Variants in SCUBE1 observed in about 807,000 individuals in gnomAD.
The protein encoded by SCUBE1 is signal peptide, CUB domain and EGF like domain containing 1, also known as signal peptide, CUB and EGF-like domain-containing protein 1.
A neutral mutation model predicts 124.4 loss-of-function variants in SCUBE1; 59 were observed. The observed-to-expected ratio is 0.47, with a 90% CI of 0.38 to 0.59. The LOEUF is 0.59. SCUBE1 is among the 20% of genes least tolerant of loss of function. The pLI is 0.00. For missense variants in SCUBE1, 1,150 were observed against 1,371.2 expected (o/e 0.84, Z 2.55); for synonymous variants, 545 against 550.9 (o/e 0.99, Z 0.15).
intron 3 of SCUBE1, among the ~76,000 whole-genome samples, chr22:43,317,964 T>C (rs764129983): frequency 1.3e-5 from 2 of 152,154 alleles, no homozygotes; most frequent in Non-Finnish European, 2.9e-5. Context: ...GGATGCCATC[T>C]ATAAGCCAAG....
chr22:43,220,738 G>A (rs957895611), intron 13 of SCUBE1, 151 bp from the exon 14 acceptor site: 18 of 988,846 alleles, frequency 1.8e-5, no homozygotes, highest in African/African-American at 6.6e-5. Flanking sequence ...GGGCTGGCTC[G>A]GGGTCTCAGG....
chr22:43,304,993 C>T lies in SCUBE1; in HGVS notation c.350-13813G>A, dbSNP rs577299981. Reference sequence around the variant, plus strand: ...CCCCTCACCTGCAGATATGGGCACCCGGGGCATGTCCTGACAGAAGAGCAT... The same window carrying T: ...CCCCTCACCTGCAGATATGGGCACCTGGGGCATGTCCTGACAGAAGAGCAT... On this transcript the variant is annotated intron_variant, in intron 3 of 21. Transcript: ENST00000360835. Among the ~76,000 whole-genome samples the T allele has an allele frequency of 5.3e-5, 8 of 152,298 alleles. No homozygotes were observed. The East Asian group carries it at 1.2e-3, about 22-fold the overall frequency.
At chr22:43,299,804 C>A (rs1234337940) in intron 3 of SCUBE1, among the ~76,000 whole-genome samples, 8 of 152,176 alleles carry the variant, frequency 5.3e-5, no homozygotes, top group Non-Finnish European at 1.2e-4. Context: ...TACCCCTTCG[C>A]CCCTGGAAAC....
intron 2 of SCUBE1, among the ~76,000 whole-genome samples, chr22:43,323,588 A>ACATCCATCCATCCATC (rs56143728): frequency 4.7e-5 from 7 of 148,604 alleles, no homozygotes; most frequent in Non-Finnish European, 7.5e-5. Context: ...ACCCATCCAA[A>ACATCCATCCATCCATC]CATCCATCCA....
At chr22:43,212,281 G>A (rs747913868) in intron 17 of SCUBE1, 144 bp downstream of exon 17, 47 of 896,268 alleles carry the variant, frequency 5.2e-5, no homozygotes, top group Non-Finnish European at 5.6e-5. Context: ...GGTCACCCAC[G>A]CCCACGCCTG....
At chr22:43,274,231 G>A (rs1360125604) in intron 4 of SCUBE1, among the ~76,000 whole-genome samples, 1 of 152,126 alleles carries the variant, frequency 6.6e-6, no homozygotes, top group Admixed American at 6.5e-5. Context: ...AGGTTGCCAG[G>A]TTTAGCAAAT....
At chr22:43,297,924 C>T (rs745887980) in intron 3 of SCUBE1, among the ~76,000 whole-genome samples, 5 of 152,186 alleles carry the variant, frequency 3.3e-5, no homozygotes, top group Non-Finnish European at 5.9e-5. Flanking sequence ...CCACTGGCTC[C>T]GGTGTCCCAG....
intron 3 of SCUBE1, among the ~76,000 whole-genome samples, chr22:43,293,795 G>A (rs1925459648): frequency 6.6e-6 from 1 of 152,284 alleles, no homozygotes; most frequent in Non-Finnish European, 1.5e-5. Flanking sequence ...TTAAAGGTCC[G>A]ACTGTAAAGC....
chr22:43,237,873 G>A (rs575563209), intron 7 of SCUBE1: 2 of 152,322 alleles, frequency 1.3e-5, no homozygotes, highest in East Asian at 1.9e-4. Context: ...CCAGCGCTGG[G>A]GTGGGGGCGT....
At chr22:43,296,677 T>C (rs1925572659) in intron 3 of SCUBE1, among the ~76,000 whole-genome samples, 1 of 152,218 alleles carries the variant, frequency 6.6e-6, no homozygotes, top group African/African-American at 2.4e-5. Context: ...TGGTTGAGGC[T>C]GGAAGGCACT....
chr22:43,238,481 C>A, intron 7 of SCUBE1: 1 of 573,154 alleles, frequency 1.7e-6, no homozygotes, highest in Non-Finnish European at 3.1e-6. Context: ...ATTCTACGCG[C>A]CTTGGGAAGC....
At chr22:43,223,310 C>T (rs1922177780) in intron 10 of SCUBE1, 94 bp from the exon 11 acceptor site, 1 of 1,368,104 alleles carries the variant, frequency 7.3e-7, no homozygotes, top group African/African-American at 1.5e-5. Context: ...TGGGGACTCC[C>T]CCAACTCCCT....
At chr22:43,306,150 A>G (rs1601877210) in intron 3 of SCUBE1, among the ~76,000 whole-genome samples, 1 of 152,260 alleles carries the variant, frequency 6.6e-6, no homozygotes, top group Middle Eastern at 3.4e-3. Flanking sequence ...AAGGTAAGCG[A>G]GACTATTGAC....
rs1440079863 is a variant in SCUBE1, at chr22:43,230,229, G to A, written c.968-1041C>T. ...GGAGGTAAGAGCATGGGGTGCCCAG[G>A]GGATGCACCTGTTCCCTTGGGCCCA... On this transcript the variant is annotated intron_variant, in intron 8 of 21. Coordinates refer to ENST00000360835, the MANE Select transcript of SCUBE1 (RefSeq NM_173050.5). Among the ~76,000 whole-genome samples, 3 of 152,034 alleles carry A rather than the reference G, an allele frequency of 2.0e-5. No homozygotes were observed. The East Asian group carries it at 5.8e-4, about 29-fold the overall frequency.
chr22:43,207,505 G>T, intron 21 of SCUBE1, 29 bp downstream of exon 21: 1 of 1,569,744 alleles, frequency 6.4e-7, no homozygotes, highest in Non-Finnish European at 8.8e-7. Flanking sequence ...CCAGGGTTAC[G>T]TGGATTCCCT....
At chr22:43,270,046 C>T (rs979015223) in intron 4 of SCUBE1, 2 of 152,100 alleles carry the variant, frequency 1.3e-5, no homozygotes, top group Admixed American at 6.5e-5. Flanking sequence ...ATTCCTCATC[C>T]GAAAATCCAG....
chr22:43,320,322 A>G (rs1185057210), intron 2 of SCUBE1, among the ~76,000 whole-genome samples: 1 of 152,178 alleles, frequency 6.6e-6, no homozygotes. Context: ...AATTTCTGAA[A>G]ACTAGCTCTC....
intron 9 of SCUBE1, 29 bp downstream of exon 9, chr22:43,229,043 G>A: frequency 5.3e-6 from 8 of 1,520,404 alleles, no homozygotes; most frequent in Non-Finnish European, 6.4e-6. Flanking sequence ...CCTCGGGGGG[G>A]AGGTGGCCCT....
chr22:43,204,240 G>C lies in SCUBE1; in HGVS notation c.2815-91C>G, dbSNP rs150085224. 8 of 1,150,576 alleles carry C rather than the reference G, an allele frequency of 7.0e-6. No homozygotes were observed. In the African/African-American group the frequency reaches 1.2e-4, roughly 18 times the overall value. The allele number at this position is 1,150,576 out of a possible 1,614,324, so 71.3% of individuals were successfully genotyped here. A position where few individuals can be genotyped will look rare whatever the true frequency, so the allele number is the denominator to read the frequency against. ...AGGCTGGGGGAGGGGAGAGAGATGC[G>C]CTGGCTGGTGGGTTTCAGGACCCCA... On this transcript the variant is annotated intron_variant, in intron 21 of 21. Transcript: ENST00000360835.
Sources: gnomAD v4.1 joint callset for allele counts (sites outside exome capture counted in the v4.1 genomes callset) on GRCh38, gnomAD v4.1.1 for gene constraint, MANE v1.5 for transcripts, NCBI Gene and HGNC (gene_info 2026-07-23, HGNC 2026-07-21) for gene names.